The following RBM41 variants were observed in gnomAD, a reference collection of about 807,000 sequenced individuals.
The protein encoded by RBM41 is RNA binding motif protein 41.
Under a neutral mutation model 30.8 loss-of-function variants are expected in RBM41, and 14 were observed. The ratio of observed to expected loss-of-function variants is 0.45; its 90% CI spans 0.30 to 0.71. The LOEUF is 0.71. Ranked by LOEUF, RBM41 falls within the 30% of genes least tolerant of loss-of-function variation. RBM41 has a pLI of 0.08. For missense variants in RBM41, 276 were observed against 326.3 expected, an observed-to-expected ratio of 0.85 and a Z score of 1.19; for synonymous variants, 120 against 110.1, an observed-to-expected ratio of 1.09 and a Z score of -0.56.
the RBM41 span, among the ~76,000 whole-genome samples, chrX:107,055,742 A>T: frequency 2.7e-5 from 3 of 112,472 alleles, no homozygotes; most frequent in African/African-American, 9.7e-5. Context: ...GAGGGTTTGA[A>T]TTCCTCAAAG....
intron 6 of RBM41, among the ~76,000 whole-genome samples, chrX:107,071,362 C>T (rs1936060984): frequency 1.8e-5 from 2 of 111,194 alleles, no homozygotes; most frequent in South Asian, 7.7e-4. Flanking sequence ...CCCCAAGAGA[C>T]AGAGTACCTG....
At position 107,066,120 on chromosome X, in the gene RBM41, T is replaced by C. The variant is rs1218831448; in HGVS notation, c.*1407A>G. ...GATTATTGGTTGACAGTTATTTTCT[T>C]TGAACACTTTGAATGTGTTATTCCA... On this transcript the variant is annotated 3_prime_UTR_variant, in exon 8 of 8. Transcript: ENST00000685964. 2.7e-5 allele frequency among the ~76,000 whole-genome samples: 3 copies of C among 112,228 alleles called. No homozygotes were observed. The highest frequency in any genetic ancestry group is 3.7e-4 in the South Asian group (1 of 2,709).
In RBM41 at chrX:107,113,475, A is replaced by C; in HGVS notation, c.524-7T>G. On this transcript the variant is annotated splice_polypyrimidine_tract_variant and splice_region_variant and intron_variant, in intron 4 of 7. Coordinates refer to ENST00000685964, the MANE Select transcript of RBM41 (RefSeq NM_001324242.2). ...CTTGTCTTTTTGTGGTATGCTGTGA[A>C]GGTTTAAAGCAAGGAGTTTCAAAGA... 1.0e-6 allele frequency: 1 copy of C among 982,507 alleles called. No homozygotes were observed. The highest frequency in any genetic ancestry group is 2.0e-5 in the South Asian group (1 of 50,401). The allele number at this position is 982,507 out of a possible 1,213,427, so 81.0% of individuals were successfully genotyped here.
chrX:107,090,512 C>T (rs1922438010), intron 5 of RBM41, among the ~76,000 whole-genome samples: 1 of 111,712 alleles, frequency 9.0e-6, no homozygotes, highest in African/African-American at 3.3e-5. Context: ...CACTTAAGAC[C>T]AGTGGGAGCC....
chrX:107,061,711 C>T (rs1037653106), downstream of RBM41, among the ~76,000 whole-genome samples: 7 of 110,895 alleles, frequency 6.3e-5, no homozygotes, highest in African/African-American at 2.3e-4. Flanking sequence ...CCGAAAGTGT[C>T]GAGGTTACTC....
chrX:107,114,435 A>G, intron 4 of RBM41: 1 of 112,185 alleles, frequency 8.9e-6, no homozygotes, highest in Admixed American at 9.4e-5. Flanking sequence ...GTTACCAAAT[A>G]CAGTTCAAAA....
intron 6 of RBM41, among the ~76,000 whole-genome samples, chrX:107,088,014 T>G (rs772001530): frequency 7.5e-4 from 84 of 112,250 alleles, no homozygotes; most frequent in Non-Finnish European, 1.2e-3. Context: ...AAGAGAAGAC[T>G]CATGTGGTAG....
intron 4 of RBM41, chrX:107,114,189 T>A (rs1924715675): frequency 9.0e-6 from 1 of 111,577 alleles, no homozygotes. Flanking sequence ...TCTTCCATTA[T>A]AAACCTACCT....
chrX:107,059,599 A>C (rs780948674), downstream of RBM41, among the ~76,000 whole-genome samples: 5 of 112,079 alleles, frequency 4.5e-5, no homozygotes, highest in South Asian at 1.9e-3. Context: ...TAAACCAATC[A>C]GTCCCCTATT....
In RBM41 at chrX:107,083,172, A is replaced by AT. The variant is rs199711772; in HGVS notation, c.999+5263dup. 5.1e-3 allele frequency among the ~76,000 whole-genome samples: 490 copies of AT among 96,377 alleles called. 13 individuals are homozygous for AT. In the East Asian group the frequency reaches 0.082, roughly 16 times the overall value. 83.7% of individuals were successfully genotyped at this position (96,377 alleles called of 115,157 possible). ...ATTATTTTTCCTTCACTTTTGAAGG[A>AT]TTTTTTTTTTTTTGCTGGATAAATT... On this transcript the variant is annotated intron_variant, in intron 6 of 7. Transcript: ENST00000685964.
At position 107,113,070 on chromosome X, in the gene RBM41, T is replaced by C. The variant is rs368489499; in HGVS notation, c.595+327A>G. On this transcript the variant is annotated intron_variant, in intron 5 of 7. Transcript: ENST00000685964. ...AAAAGTAAGAAAATATTAGCTATCA[T>C]ATCATCATCATCATCAATAATTATA... Among the ~76,000 whole-genome samples the C allele has an allele frequency of 6.3e-5, 7 of 111,458 alleles. No homozygotes were observed. In the East Asian group the frequency reaches 1.7e-3, roughly 27 times the overall value.
At chrX:107,105,679 A>C (rs944136974) in intron 5 of RBM41, among the ~76,000 whole-genome samples, 2 of 111,317 alleles carry the variant, frequency 1.8e-5, no homozygotes, top group Non-Finnish European at 3.8e-5. Context: ...GATATAGACC[A>C]ATGGAACACA....
At chrX:107,110,818 C>G (rs1478107720) in intron 5 of RBM41, among the ~76,000 whole-genome samples, 2 of 111,183 alleles carry the variant, frequency 1.8e-5, no homozygotes, top group Non-Finnish European at 3.8e-5. Context: ...TTTTCAACAA[C>G]TGGCACTGGG....
intron 6 of RBM41, among the ~76,000 whole-genome samples, chrX:107,080,219 T>C (rs1269768089): frequency 1.8e-5 from 2 of 110,088 alleles, no homozygotes; most frequent in Non-Finnish European, 3.8e-5. Flanking sequence ...TCCAAAGAGG[T>C]TGTATTACCA....
chrX:107,067,536 A>G lies in RBM41; in HGVS notation c.1305T>C (p.Ser435=). The G allele has an allele frequency of 8.3e-7, 1 of 1,204,057 alleles. No homozygotes were observed. Among genetic ancestry groups the G allele is most frequent in the Non-Finnish European group, 1.1e-6 (1 of 891,653 alleles). The change falls in exon 8 of 8, where the codon AGT becomes AGC. Residue 435 remains serine (S), a synonymous_variant. Transcript: ENST00000685964. The part of the protein sequence containing the change: ...SCATGSTTEI[S]GS ...ACAATTTATATATATTCTAGCTACCACTAATTTCTGTAGTGCTACCTGTAG... is the reference window on the plus strand; with the variant it reads ...ACAATTTATATATATTCTAGCTACCGCTAATTTCTGTAGTGCTACCTGTAG...
At chrX:107,099,275 C>T (rs1458790879) in intron 5 of RBM41, among the ~76,000 whole-genome samples, 1 of 111,634 alleles carries the variant, frequency 9.0e-6, no homozygotes, top group Non-Finnish European at 1.9e-5. Context: ...TGTATAACCT[C>T]AACACTTTCC....
In RBM41 at chrX:107,081,926, T is replaced by C. The variant is rs140483645; in HGVS notation, c.999+6510A>G. On this transcript the variant is annotated intron_variant, in intron 6 of 7. Transcript: ENST00000685964. ...TTAGTTTGTTTTTTGGCTGATTCTT[T>C]GGGATTTTCTACACAGACATACGTG... Among the ~76,000 whole-genome samples the C allele has an allele frequency of 4.0e-3, 452 of 112,133 alleles. 9 individuals are homozygous for C. The highest frequency in any genetic ancestry group is 0.013 in the African/African-American group (398 of 30,985).
the RBM41 span, among the ~76,000 whole-genome samples, chrX:107,056,564 T>A: frequency 1.8e-5 from 2 of 112,100 alleles, no homozygotes; most frequent in African/African-American, 3.2e-5. Context: ...TCTCTTGTTA[T>A]AAGTCTATTC....
chrX:107,067,693 T>C lies in RBM41; in HGVS notation c.1148A>G (p.Asn383Ser), dbSNP rs760216147. ...MRGQAFITFP[N>S]KEIAWQALHL... ...CAATGCTTGCCATGCTATCTCCTTA[T>C]CTAAAAGAGAAAGAAAAAATTTCAA... The change falls in exon 8 of 8, where the codon AAT (asparagine) becomes AGT (serine). Residue 383 changes from asparagine (N) to serine (S), a missense_variant and splice_region_variant. Asn to Ser is a conservative substitution (Grantham distance 46). Transcript: ENST00000685964. The C allele has an allele frequency of 4.2e-6, 5 of 1,191,267 alleles. No homozygotes were observed. The highest frequency in any genetic ancestry group is 5.6e-6 in the Non-Finnish European group (5 of 887,008).
Sources: allele counts gnomAD v4.1 joint callset (sites outside exome capture counted in the v4.1 genomes callset), GRCh38; gene constraint gnomAD v4.1.1; transcripts MANE v1.5; gene names NCBI Gene and HGNC (gene_info 2026-07-23, HGNC 2026-07-21).